Variants in MAGI3 observed in about 807,000 individuals in gnomAD.
The protein encoded by MAGI3 is membrane-associated guanylate kinase, WW and PDZ domain-containing protein 3.
Under a neutral mutation model 121.8 loss-of-function variants are expected in MAGI3, and 43 were observed. The ratio of observed to expected loss-of-function variants is 0.35; its 90% CI spans 0.28 to 0.46. The LOEUF (loss-of-function observed/expected upper bound fraction) is 0.46, where lower values mean the gene tolerates loss of function less well. Ranked by LOEUF, MAGI3 falls within the 20% of genes least tolerant of loss-of-function variation. The pLI is 1.00. For missense variants in MAGI3, 1,547 were observed against 1,797.3 expected (o/e 0.86, Z 2.52); for synonymous variants, 553 against 639.3 (o/e 0.86, Z 2.04).
intron 1 of MAGI3, among the ~76,000 whole-genome samples, chr1:113,471,488 T>C (rs1273531824): frequency 1.3e-5 from 2 of 152,124 alleles, no homozygotes; most frequent in Non-Finnish European, 2.9e-5. Flanking sequence ...GGGAAGTTCA[T>C]AGCAGTAAAC....
At chr1:113,681,446 G>A (rs1367394741) in intron 20 of MAGI3, 110 bp downstream of exon 20, 1 of 1,194,802 alleles carries the variant, frequency 8.4e-7, no homozygotes, top group African/African-American at 1.5e-5. Context: ...TAATTCAGAG[G>A]TGAATGCTAG....
chr1:113,591,050 T>G (rs1648664305), intron 5 of MAGI3, among the ~76,000 whole-genome samples: 1 of 152,070 alleles, frequency 6.6e-6, no homozygotes, highest in African/African-American at 2.4e-5. Context: ...GAATTAAATA[T>G]TTTCAGTCCT....
In MAGI3 at chr1:113,390,851, G is replaced by T; in HGVS notation, c.-183G>T. On this transcript the variant is annotated 5_prime_UTR_variant, in exon 1 of 21. Coordinates refer to ENST00000307546, the MANE Select transcript of MAGI3 (RefSeq NM_001142782.2). Reference sequence around the variant, plus strand: ...GCGCAGCCGGGAGGGGCGTCCAAGGGGCGTCTCGCGTCTGGGAACGGCCGG... The same window carrying T: ...GCGCAGCCGGGAGGGGCGTCCAAGGTGCGTCTCGCGTCTGGGAACGGCCGG... The T allele has an allele frequency of 3.4e-6, 1 of 290,612 alleles. No individual in the cohort carries two copies. The highest frequency in any genetic ancestry group is 6.2e-6 in the Non-Finnish European group (1 of 162,064). 18.0% of individuals were successfully genotyped at this position (290,612 alleles called of 1,614,324 possible).
chr1:113,633,135 T>C (rs981467517), intron 9 of MAGI3, among the ~76,000 whole-genome samples: 5 of 144,326 alleles, frequency 3.5e-5, no homozygotes, highest in Middle Eastern at 3.5e-3. Flanking sequence ...TTCCCACCTA[T>C]GAGTGAGAAT....
chr1:113,638,775 G>A (rs1211696611), intron 9 of MAGI3, among the ~76,000 whole-genome samples: 1 of 152,236 alleles, frequency 6.6e-6, no homozygotes, highest in East Asian at 1.9e-4. Context: ...GTCAGACAGG[G>A]ACATTTAAGT....
At chr1:113,461,242 C>T (rs1239573746) in intron 1 of MAGI3, among the ~76,000 whole-genome samples, 1 of 152,124 alleles carries the variant, frequency 6.6e-6, no homozygotes, top group Non-Finnish European at 1.5e-5. Context: ...GTTTAAAACC[C>T]TTACGGAACC....
At chr1:113,618,596 C>G in intron 7 of MAGI3, 1 of 426,096 alleles carries the variant, frequency 2.3e-6, no homozygotes, top group Non-Finnish European at 4.6e-6. Context: ...ACCTCCGCCT[C>G]CTGGGTTCAA....
At position 113,400,449 on chromosome 1, in the gene MAGI3, A is replaced by C. The variant is rs1651341030; in HGVS notation, c.316+9100A>C. On this transcript the variant is annotated intron_variant, in intron 1 of 20. Coordinates refer to ENST00000307546, the MANE Select transcript of MAGI3 (RefSeq NM_001142782.2). The stretch of plus-strand genomic sequence containing the variant: ...ATGCACTTACTGTACATAAAAATGA[A>C]CATTCATGGAATTGGGTGTGATTTG... Among the ~76,000 whole-genome samples the C allele has an allele frequency of 2.6e-5, 4 of 152,128 alleles. No individual in the cohort carries two copies. In the South Asian group the frequency reaches 8.3e-4, roughly 31 times the overall value.
intron 1 of MAGI3, among the ~76,000 whole-genome samples, chr1:113,504,156 A>G (rs923043974): frequency 6.6e-6 from 1 of 152,072 alleles, no homozygotes; most frequent in African/African-American, 2.4e-5. Flanking sequence ...TTAAGTAGGA[A>G]CCATCTTCTA....
At chr1:113,483,371 A>G (rs1209633424) in intron 1 of MAGI3, among the ~76,000 whole-genome samples, 1 of 152,134 alleles carries the variant, frequency 6.6e-6, no homozygotes, top group Non-Finnish European at 1.5e-5. Context: ...GGAGGTAATC[A>G]GGTAATGAGG....
At chr1:113,549,684 A>G (rs10858004) in intron 2 of MAGI3, 53 bp downstream of exon 2, 177,766 of 934,138 alleles carry the variant, frequency 0.19, 18,517 homozygotes, top group South Asian at 0.21. Flanking sequence ...TTTCTTAACT[A>G]ATTAAACATC....
intron 1 of MAGI3, among the ~76,000 whole-genome samples, chr1:113,505,967 G>A (rs1292614458): frequency 2.0e-5 from 3 of 152,220 alleles, no homozygotes; most frequent in East Asian, 1.9e-4. Flanking sequence ...GGAGGGTTAT[G>A]AGCACTGGAA....
At chr1:113,428,319 A>T (rs915122603) in intron 1 of MAGI3, among the ~76,000 whole-genome samples, 6 of 152,160 alleles carry the variant, frequency 3.9e-5, no homozygotes, top group African/African-American at 1.4e-4. Flanking sequence ...TTTATTTATT[A>T]TGTGAGGGCT....
At chr1:113,392,893 T>C (rs1452864943) in intron 1 of MAGI3, among the ~76,000 whole-genome samples, 1 of 152,236 alleles carries the variant, frequency 6.6e-6, no homozygotes, top group Non-Finnish European at 1.5e-5. Context: ...CATTTACTAG[T>C]CTAGCTGCCA....
At chr1:113,581,707 A>G (rs1648038773) in intron 3 of MAGI3, among the ~76,000 whole-genome samples, 1 of 152,080 alleles carries the variant, frequency 6.6e-6, no homozygotes, top group Non-Finnish European at 1.5e-5. Context: ...GAGCAGCTTT[A>G]TCATGTCTCT....
chr1:113,521,027 A>G (rs961600534), intron 1 of MAGI3, among the ~76,000 whole-genome samples: 20 of 152,180 alleles, frequency 1.3e-4, no homozygotes, highest in South Asian at 1.0e-3. Flanking sequence ...CTCTCCCTAC[A>G]TCAGCCATCA....
intron 4 of MAGI3, among the ~76,000 whole-genome samples, chr1:113,587,342 T>C (rs1423164898): frequency 1.3e-5 from 2 of 152,154 alleles, no homozygotes; most frequent in Non-Finnish European, 2.9e-5. Flanking sequence ...ATTACAGGCA[T>C]GTGCCACCCT....
chr1:113,526,354 T>A (rs1160548263), intron 1 of MAGI3, among the ~76,000 whole-genome samples: 1 of 152,162 alleles, frequency 6.6e-6, no homozygotes, highest in African/African-American at 2.4e-5. Context: ...AGATATAGTA[T>A]CTGTGTATAG....
intron 9 of MAGI3, among the ~76,000 whole-genome samples, chr1:113,639,376 G>T (rs1243216913): frequency 6.6e-6 from 1 of 152,142 alleles, no homozygotes; most frequent in Non-Finnish European, 1.5e-5. Context: ...GGCCATCTCG[G>T]CTCCCACCTG....
Sources: allele counts gnomAD v4.1 joint callset (sites outside exome capture counted in the v4.1 genomes callset), GRCh38; gene constraint gnomAD v4.1.1; transcripts MANE v1.5; gene names NCBI Gene and HGNC (gene_info 2026-07-23, HGNC 2026-07-21).